Variants in WWOX observed in about 807,000 individuals in gnomAD.
WWOX encodes the protein WW domain containing oxidoreductase, also known as WW domain-containing oxidoreductase.
In WWOX, 69 loss-of-function variants were observed where a neutral mutation model predicts 46.2. That is an observed-to-expected ratio of 1.49 (90% CI 1.23 to 1.82). The LOEUF (loss-of-function observed/expected upper bound fraction) is 1.82. WWOX is among the 40% of genes most tolerant of loss of function. The pLI is 0.00. For missense variants in WWOX, 919 were observed against 542.6 expected (o/e 1.69, Z -6.89); for synonymous variants, 359 against 202.6 (o/e 1.77, Z -6.56).
At chr16:78,985,050 C>G (rs62036038) in intron 8 of WWOX, among the ~76,000 whole-genome samples, 4 of 152,182 alleles carry the variant, frequency 2.6e-5, no homozygotes, top group Non-Finnish European at 5.9e-5. Flanking sequence ...CCCTCCACCC[C>G]GCTCTGTCAG....
intron 8 of WWOX, among the ~76,000 whole-genome samples, chr16:79,047,870 A>G (rs980212775): frequency 6.6e-6 from 1 of 151,766 alleles, no homozygotes; most frequent in Admixed American, 6.6e-5. Context: ...GAAATCTGAC[A>G]ACTCATTGAT....
intron 8 of WWOX, among the ~76,000 whole-genome samples, chr16:79,086,505 G>A (rs919259920): frequency 1.3e-5 from 2 of 152,202 alleles, no homozygotes; most frequent in Non-Finnish European, 2.9e-5. Context: ...GACTTTGTCA[G>A]TACAGTACTA....
intron 8 of WWOX, among the ~76,000 whole-genome samples, chr16:78,691,575 G>T (rs531642364): frequency 3.9e-5 from 6 of 152,190 alleles, no homozygotes; most frequent in African/African-American, 1.4e-4. Context: ...GGGTATAGTG[G>T]TGTGCACCTG....
intron 8 of WWOX, among the ~76,000 whole-genome samples, chr16:78,748,256 C>A (rs932520907): frequency 6.6e-6 from 1 of 152,156 alleles, no homozygotes; most frequent in Non-Finnish European, 1.5e-5. Context: ...CCTTGTCTAC[C>A]ACAGATAGCT....
chr16:78,588,815 C>G (rs747753383), intron 8 of WWOX, among the ~76,000 whole-genome samples: 9 of 152,120 alleles, frequency 5.9e-5, no homozygotes, highest in Non-Finnish European at 8.8e-5. Context: ...CCAGAGTGGT[C>G]TCTGTGGAGA....
intron 5 of WWOX, among the ~76,000 whole-genome samples, chr16:78,364,368 G>T (rs1046700395): frequency 1.3e-5 from 2 of 152,152 alleles, no homozygotes; most frequent in African/African-American, 4.8e-5. Context: ...CATTGTATCG[G>T]TTCTGATTTA....
chr16:78,587,927 C>A (rs1370042882), intron 8 of WWOX, among the ~76,000 whole-genome samples: 3 of 152,190 alleles, frequency 2.0e-5, no homozygotes, highest in African/African-American at 7.2e-5. Flanking sequence ...ATCAAGCGGG[C>A]CTCCCCATTG....
chr16:78,262,093 C>A (rs552363402), intron 5 of WWOX, among the ~76,000 whole-genome samples: 1 of 31,586 alleles, frequency 3.2e-5, no homozygotes, highest in Non-Finnish European at 5.3e-5. Flanking sequence ...GAATGAAACT[C>A]TGTCAAAAAA....
At chr16:78,955,391 G>T (rs969970658) in intron 8 of WWOX, among the ~76,000 whole-genome samples, 4 of 152,276 alleles carry the variant, frequency 2.6e-5, no homozygotes, top group Admixed American at 6.5e-5. Flanking sequence ...GGTCAGACTT[G>T]AGGCAAGTGA....
chr16:78,557,919 A>G (rs1425215252), intron 8 of WWOX, among the ~76,000 whole-genome samples: 1 of 151,618 alleles, frequency 6.6e-6, no homozygotes, highest in South Asian at 2.1e-4. Flanking sequence ...CTGCTCTCGA[A>G]CTCCTGACCT....
At chr16:78,555,585 CTTTT>C (rs5818153) in intron 8 of WWOX, among the ~76,000 whole-genome samples, 1 of 141,018 alleles carries the variant, frequency 7.1e-6, no homozygotes, top group Non-Finnish European at 1.5e-5. Flanking sequence ...AGGAGTGCCA[CTTTT>C]TTTTTTTTTT....
At chr16:78,988,740 CA>C (rs754592421) in intron 8 of WWOX, among the ~76,000 whole-genome samples, 10 of 152,256 alleles carry the variant, frequency 6.6e-5, no homozygotes, top group Admixed American at 1.3e-4. Flanking sequence ...GCATAGCTGT[CA>C]AGTTAGTTTC....
rs1488384410 is a variant in WWOX, at chr16:78,350,539, A to G, written c.517-36321A>G. ...GATTTGCCTATTCTAGACTTTTCAT[A>G]TAAATAAATCAGATACTGTGTGGCC... On this transcript the variant is annotated intron_variant, in intron 5 of 8. Transcript: ENST00000566780. Among the ~76,000 whole-genome samples, 2 of 121,012 alleles carry G rather than the reference A, an allele frequency of 1.7e-5. 1 individual carries two copies. The highest frequency in any genetic ancestry group is 3.9e-5 in the Non-Finnish European group (2 of 50,646). 79.4% of individuals were successfully genotyped at this position (121,012 alleles called of 152,430 possible).
chr16:78,769,312 C>T (rs957171642), intron 8 of WWOX, among the ~76,000 whole-genome samples: 1 of 152,192 alleles, frequency 6.6e-6, no homozygotes, highest in African/African-American at 2.4e-5. Context: ...ATCCATCCAT[C>T]CTGCCTCCCT....
At chr16:78,983,508 G>A (rs1263616221) in intron 8 of WWOX, among the ~76,000 whole-genome samples, 1 of 152,164 alleles carries the variant, frequency 6.6e-6, no homozygotes, top group Non-Finnish European at 1.5e-5. Context: ...GAGAGGAAGG[G>A]GAGAAGAAAT....
At chr16:78,210,544 CTG>C (rs2036528855) in intron 5 of WWOX, among the ~76,000 whole-genome samples, 1 of 152,166 alleles carries the variant, frequency 6.6e-6, no homozygotes, top group South Asian at 2.1e-4. Flanking sequence ...CTCTCTTTCT[CTG>C]TCTCTCATAA....
intron 6 of WWOX, among the ~76,000 whole-genome samples, chr16:78,422,391 A>G (rs2082953557): frequency 6.6e-6 from 1 of 151,520 alleles, no homozygotes; most frequent in Non-Finnish European, 1.5e-5. Context: ...TCTTGCTCTG[A>G]TGCCTGTAGT....
intron 8 of WWOX, among the ~76,000 whole-genome samples, chr16:78,724,850 C>G (rs1324735315): frequency 6.6e-6 from 1 of 152,210 alleles, no homozygotes; most frequent in Non-Finnish European, 1.5e-5. Flanking sequence ...ATTCTTACCT[C>G]TAAGAGTTCC....
At chr16:78,556,058 C>A (rs1035987428) in intron 8 of WWOX, among the ~76,000 whole-genome samples, 1 of 151,952 alleles carries the variant, frequency 6.6e-6, no homozygotes, top group Admixed American at 6.6e-5. Flanking sequence ...TTAATCATCG[C>A]CCTCCATTAT....
Sources: allele counts gnomAD v4.1 joint callset (sites outside exome capture counted in the v4.1 genomes callset), GRCh38; gene constraint gnomAD v4.1.1; transcripts MANE v1.5; gene names NCBI Gene and HGNC (gene_info 2026-07-23, HGNC 2026-07-21).